Variants in SMC4 observed in about 807,000 individuals in gnomAD.
SMC4 encodes the protein structural maintenance of chromosomes 4, also known as structural maintenance of chromosomes protein 4.
A neutral mutation model predicts 145.6 loss-of-function variants in SMC4; 87 were observed. That is an observed-to-expected ratio of 0.60 (90% CI 0.50 to 0.71). The LOEUF (loss-of-function observed/expected upper bound fraction) is 0.71, where lower values mean the gene tolerates loss of function less well. Among genes scored for constraint, SMC4 ranks in the 30% least tolerant of loss-of-function variants. The probability of loss-of-function intolerance (pLI) is 0.00; values close to 1 mark genes in which losing one functional copy is unlikely to be tolerated. For synonymous variants in SMC4, 558 were observed against 500.7 expected, an observed-to-expected ratio of 1.11 and a Z score of -1.53; for missense variants, 1,447 against 1,537.1, an observed-to-expected ratio of 0.94 and a Z score of 0.98.
At chr3:160,412,251 T>C (rs1235384453) in intron 6 of SMC4, 75 bp from the exon 7 acceptor site, 2 of 1,483,940 alleles carry the variant, frequency 1.3e-6, no homozygotes, top group Non-Finnish European at 1.8e-6. Flanking sequence ...TGTTTTTATC[T>C]AATGTTTGCA....
chr3:160,423,109 A>G (rs928584366), intron 13 of SMC4, among the ~76,000 whole-genome samples: 1 of 152,108 alleles, frequency 6.6e-6, no homozygotes, highest in Admixed American at 6.5e-5. Flanking sequence ...CTGGGTCCCT[A>G]TAATTTGTAT....
At chr3:160,426,933 G>A (rs1717854858) in intron 17 of SMC4, among the ~76,000 whole-genome samples, 1 of 152,172 alleles carries the variant, frequency 6.6e-6, no homozygotes, top group African/African-American at 2.4e-5. Context: ...GTTACAGTTT[G>A]CTTTGTGAGC....
intron 8 of SMC4, 127 bp downstream of exon 8, chr3:160,413,740 T>G: frequency 1.7e-6 from 1 of 578,696 alleles, no homozygotes; most frequent in Admixed American, 4.2e-5. Flanking sequence ...GGTGGCCCCC[T>G]TAGTGAAAAA....
Position 160,400,833 on chromosome 3 carries a change from C to G in SMC4, c.7C>G (p.Arg3Gly), listed in dbSNP as rs1308714967. 1 of 1,536,876 alleles carries G rather than the reference C, an allele frequency of 6.5e-7. No homozygotes were observed. Among genetic ancestry groups the G allele is most frequent in the Non-Finnish European group, 8.7e-7 (1 of 1,151,836 alleles). Residue 3 changes from arginine (R) to glycine (G), a missense_variant, in exon 2 of 24, where the codon CGT (arginine) becomes GGT (glycine). By Grantham distance (125) the Arg-to-Gly change is moderately radical. Transcript: ENST00000357388. MP[R>G]KGTQPSTARR... Reference sequence around the variant, plus strand: ...TCCCCCGGCCCCAGCGACCATGCCCCGTAAAGGCACCCAGCCCTCCACTGC... The same window carrying G: ...TCCCCCGGCCCCAGCGACCATGCCCGGTAAAGGCACCCAGCCCTCCACTGC...
At position 160,419,355 on chromosome 3, in the gene SMC4, T is replaced by C. The variant is rs1414070212; in HGVS notation, c.1672-3T>C. 1.3e-6 allele frequency: 2 copies of C among 1,575,906 alleles called. No homozygotes were observed. The highest frequency in any genetic ancestry group is 2.8e-5 in the African/African-American group (2 of 72,490). ...CTGGATTTCATTTTATTTTCACTTT[T>C]AGAAAGAAAAAGAACTTCAAAAACT... On this transcript the variant is annotated splice_region_variant and splice_polypyrimidine_tract_variant and intron_variant, in intron 11 of 23. Coordinates refer to ENST00000357388, the MANE Select transcript of SMC4 (RefSeq NM_001002800.3).
intron 21 of SMC4, 62 bp from the exon 22 acceptor site, chr3:160,432,221 C>G: frequency 8.0e-7 from 1 of 1,248,698 alleles, no homozygotes; most frequent in Non-Finnish European, 1.1e-6. Context: ...TAATAATTAA[C>G]AATGCTAATT....
chr3:160,413,770 C>CAGTT lies in SMC4; in HGVS notation c.1121+158_1121+161dup, dbSNP rs542864935. On this transcript the variant is annotated intron_variant, in intron 8 of 23. Transcript: ENST00000357388. ...GAAAAAAAAAAACTTGCCTTGCATCCAGTTCCTTGTTACAGATGAAATTCC... is the reference window on the plus strand; with the variant it reads ...GAAAAAAAAAAACTTGCCTTGCATCCAGTTAGTTCCTTGTTACAGATGAAATTCC... 294 of 467,374 alleles carry CAGTT rather than the reference C, an allele frequency of 6.3e-4. 4 individuals are homozygous for CAGTT. In the South Asian group the frequency reaches 8.5e-3, roughly 13 times the overall value. 29.0% of individuals were successfully genotyped at this position (467,374 alleles called of 1,614,324 possible).
chr3:160,405,201 A>T (rs1223711494), intron 5 of SMC4, among the ~76,000 whole-genome samples: 1 of 152,032 alleles, frequency 6.6e-6, no homozygotes, highest in Non-Finnish European at 1.5e-5. Flanking sequence ...TACCTGTGCC[A>T]AACTGATTTT....
chr3:160,405,567 T>A (rs1489927418), intron 5 of SMC4, among the ~76,000 whole-genome samples: 7 of 152,080 alleles, frequency 4.6e-5, no homozygotes, highest in African/African-American at 1.7e-4. Context: ...TTCTAAAAAT[T>A]ATTACTTTTA....
intron 18 of SMC4, 38 bp from the exon 19 acceptor site, chr3:160,430,561 C>A: frequency 6.6e-7 from 1 of 1,504,274 alleles, no homozygotes; most frequent in Non-Finnish European, 8.9e-7. Context: ...TAACAAATCA[C>A]CTTACCACAT....
At chr3:160,412,978 A>C (rs1336400064) in intron 7 of SMC4, 1 of 199,372 alleles carries the variant, frequency 5.0e-6, no homozygotes, top group Admixed American at 6.3e-5. Context: ...TGTTTCACCC[A>C]GGGTGGAGTG....
chr3:160,408,488 T>G (rs1223118430), intron 5 of SMC4, among the ~76,000 whole-genome samples: 1 of 152,204 alleles, frequency 6.6e-6, no homozygotes, highest in East Asian at 1.9e-4. Flanking sequence ...GAGATAACAC[T>G]GGGAACATAT....
Position 160,428,746 on chromosome 3 carries a change from A to C in SMC4, c.2606-7A>C, listed in dbSNP as rs919971881. 6.4e-7 allele frequency: 1 copy of C among 1,562,908 alleles called. No homozygotes were observed. The highest frequency in any genetic ancestry group is 8.6e-7 in the Non-Finnish European group (1 of 1,166,398). On this transcript the variant is annotated splice_region_variant and splice_polypyrimidine_tract_variant and intron_variant, in intron 17 of 23. Coordinates refer to ENST00000357388, the MANE Select transcript of SMC4 (RefSeq NM_001002800.3). ...CACAAATTAGGTTCTTTATTTTTTA[A>C]TTTCAGAATATGATGCTGTGGCTGA...
intron 19 of SMC4, 125 bp downstream of exon 19, chr3:160,430,868 TTTTA>T: frequency 7.9e-7 from 1 of 1,264,256 alleles, no homozygotes; most frequent in Non-Finnish European, 1.1e-6. Flanking sequence ...AACTATCAAT[TTTTA>T]TTTGTACAAT....
chr3:160,402,604 T>C, intron 3 of SMC4, 72 bp from the exon 4 acceptor site: 1 of 1,452,096 alleles, frequency 6.9e-7, no homozygotes, highest in Non-Finnish European at 9.3e-7. Flanking sequence ...TCTAACAGTT[T>C]CAGTTAAAAT....
Position 160,423,831 on chromosome 3 carries a change from TGAA to T in SMC4, c.2322_2324del (p.Glu775del), listed in dbSNP as rs964201698. On this transcript the variant is annotated inframe_deletion, in exon 15 of 24. Transcript: ENST00000357388. ...GTTCCTCACTTGTTATTGAAATCTC[TGAA>T]GAAGAGGTCAGCATATCTAAAATTG... 6.2e-7 allele frequency: 1 copy of T among 1,611,526 alleles called. No homozygotes were observed. The highest frequency in any genetic ancestry group is 1.7e-5 in the Admixed American group (1 of 59,752).
At position 160,419,511 on chromosome 3, in the gene SMC4, T is replaced by C. The variant is rs1442392775; in HGVS notation, c.1825T>C (p.Ser609Pro). Residue 609 changes from serine to proline, a missense_variant, in exon 12 of 24, where the codon TCT becomes CCT. Physicochemically the swap from Ser to Pro is moderately conservative, Grantham distance 74. Coordinates refer to ENST00000357388, the MANE Select transcript of SMC4 (RefSeq NM_001002800.3). Reference sequence around the variant, plus strand: ...TGATGCAATAATTCAAGAAAAAAAATCTGGCAGGATTCCAGGAATATATGG... The same window carrying C: ...TGATGCAATAATTCAAGAAAAAAAACCTGGCAGGATTCCAGGAATATATGG... ...VLDAIIQEKK[S>P]GRIPGIYGRL... is the part of the protein sequence containing the mutation. 2.5e-6 allele frequency: 4 copies of C among 1,604,000 alleles called. No individual in the cohort carries two copies.
chr3:160,403,603 A>C (rs542941878), intron 4 of SMC4, among the ~76,000 whole-genome samples: 2 of 152,180 alleles, frequency 1.3e-5, no homozygotes, highest in African/African-American at 4.8e-5. Flanking sequence ...AGAATCATCT[A>C]TTTTAATTTG....
rs765022304 is a variant in SMC4 at position 160,433,059 on chromosome 3, C to A, written c.3564C>A (p.Ile1188=). ...VRPPKKSWKK[I]FNLSGGEKTL... Reference sequence around the variant, plus strand: ...CACCTAAGAAAAGTTGGAAAAAGATCTTCAACCTTTCGGGAGGAGAGAAAA... The same window carrying A: ...CACCTAAGAAAAGTTGGAAAAAGATATTCAACCTTTCGGGAGGAGAGAAAA... The change falls in exon 23 of 24, where the codon ATC becomes ATA. Residue 1188 remains isoleucine, a synonymous_variant. Transcript: ENST00000357388. 1.2e-6 allele frequency: 2 copies of A among 1,613,514 alleles called. No individual in the cohort carries two copies. Among genetic ancestry groups the A allele is most frequent in the Admixed American group, 1.7e-5 (1 of 59,954 alleles).
Sources: allele counts gnomAD v4.1 joint callset (sites outside exome capture counted in the v4.1 genomes callset), GRCh38; gene constraint gnomAD v4.1.1; transcripts MANE v1.5; gene names NCBI Gene and HGNC (gene_info 2026-07-23, HGNC 2026-07-21).